Variants in KIAA1328 observed in about 807,000 individuals in gnomAD.
The protein encoded by KIAA1328 is protein hinderin.
In KIAA1328, 52 loss-of-function variants were observed where a neutral mutation model predicts 68.1. The observed-to-expected ratio is 0.76, with a 90% confidence interval of 0.61 to 0.96. The LOEUF is 0.96. Ranked by LOEUF, KIAA1328 falls within the 40% of genes least tolerant of loss-of-function variation. The pLI is 0.00. For missense variants in KIAA1328, 641 were observed against 677.6 expected, an observed-to-expected ratio of 0.95 and a Z score of 0.60; for synonymous variants, 232 against 239.4, an observed-to-expected ratio of 0.97 and a Z score of 0.28.
chr18:36,965,873 A>G (rs1157654657), intron 6 of KIAA1328, among the ~76,000 whole-genome samples: 1 of 151,620 alleles, frequency 6.6e-6, no homozygotes, highest in Non-Finnish European at 1.5e-5. Flanking sequence ...ATAAGCCTAG[A>G]TTTTATTGAC....
chr18:36,837,197 A>G (rs1325896049), intron 3 of KIAA1328, among the ~76,000 whole-genome samples: 4 of 152,182 alleles, frequency 2.6e-5, no homozygotes, highest in Non-Finnish European at 4.4e-5. Context: ...TGGTTACACC[A>G]TGTTACATTC....
At chr18:37,041,831 T>C (rs2055263937) in intron 6 of KIAA1328, among the ~76,000 whole-genome samples, 2 of 152,180 alleles carry the variant, frequency 1.3e-5, no homozygotes, top group South Asian at 4.1e-4. Context: ...TTTGTTTCAA[T>C]GTAACATTTA....
chr18:37,200,913 A>G (rs1220295507), intron 9 of KIAA1328, among the ~76,000 whole-genome samples: 2 of 150,756 alleles, frequency 1.3e-5, no homozygotes, highest in African/African-American at 4.9e-5. Context: ...CCCCCTTTTG[A>G]TCAAAAATCT....
At chr18:37,006,488 AT>A (rs528980385) in intron 6 of KIAA1328, among the ~76,000 whole-genome samples, 15 of 151,764 alleles carry the variant, frequency 9.9e-5, no homozygotes, top group African/African-American at 1.7e-4. Context: ...ACATTCTTCT[AT>A]TTTTTTTATT....
At position 36,968,848 on chromosome 18, in the gene KIAA1328, G is replaced by A. The variant is rs183684382; in HGVS notation, c.576+9413G>A. ...AATATATATTCTTCTCATCTGCACT[G>A]AGTACAACATAATCTAAAATTGGTC... On this transcript the variant is annotated intron_variant, in intron 6 of 9. Transcript: ENST00000280020. Among the ~76,000 whole-genome samples, 170 of 152,188 alleles carry A rather than the reference G, an allele frequency of 1.1e-3. 3 individuals carry two copies. Among genetic ancestry groups the A allele is most frequent in the African/African-American group, 4.0e-3 (165 of 41,536 alleles).
Position 36,978,282 on chromosome 18 carries a change from G to A in KIAA1328, c.576+18847G>A, listed in dbSNP as rs138508603. ...CTCAGAACCTAAAGTTTCTGTTGGG[G>A]GCTGGTCACATAGGCACCCTCTACT... On this transcript the variant is annotated intron_variant, in intron 6 of 9. Coordinates refer to ENST00000280020, the MANE Select transcript of KIAA1328 (RefSeq NM_020776.3). Among the ~76,000 whole-genome samples the A allele has an allele frequency of 4.4e-3, 662 of 152,180 alleles. 7 individuals carry two copies. The highest frequency in any genetic ancestry group is 0.021 in the Admixed American group (322 of 15,286).
At chr18:36,968,074 A>C (rs1368971631) in intron 6 of KIAA1328, among the ~76,000 whole-genome samples, 1 of 152,094 alleles carries the variant, frequency 6.6e-6, no homozygotes, top group African/African-American at 2.4e-5. Flanking sequence ...CTACCACCAG[A>C]CCTGGTACCT....
At chr18:37,122,408 G>T (rs1440647911) in intron 7 of KIAA1328, among the ~76,000 whole-genome samples, 1 of 152,074 alleles carries the variant, frequency 6.6e-6, no homozygotes, top group East Asian at 1.9e-4. Flanking sequence ...AGTTGTAGCT[G>T]CATGCAGACT....
At chr18:37,200,576 C>G (rs907856410) in intron 9 of KIAA1328, among the ~76,000 whole-genome samples, 1 of 151,948 alleles carries the variant, frequency 6.6e-6, no homozygotes, top group Admixed American at 6.6e-5. Flanking sequence ...CTTTGGGAGG[C>G]CGAGGCGGGT....
At chr18:36,847,385 A>C (rs1050350027) in intron 4 of KIAA1328, among the ~76,000 whole-genome samples, 1 of 151,520 alleles carries the variant, frequency 6.6e-6, no homozygotes, top group Admixed American at 6.6e-5. Context: ...TGTGAGTTCC[A>C]TTATTCTGTA....
chr18:37,177,757 G>T (rs1165923662), intron 9 of KIAA1328, among the ~76,000 whole-genome samples: 1 of 152,014 alleles, frequency 6.6e-6, no homozygotes, highest in East Asian at 1.9e-4. Context: ...TTCTTGACAG[G>T]ATTTGGGAAA....
intron 5 of KIAA1328, among the ~76,000 whole-genome samples, chr18:36,887,585 C>T (rs2048543171): frequency 6.6e-6 from 1 of 152,098 alleles, no homozygotes; most frequent in Non-Finnish European, 1.5e-5. Context: ...TTTATGAGAG[C>T]ACTCCCTACT....
intron 9 of KIAA1328, among the ~76,000 whole-genome samples, chr18:37,175,377 C>T (rs900170819): frequency 1.3e-5 from 2 of 152,172 alleles, no homozygotes; most frequent in African/African-American, 4.8e-5. Context: ...TAGAGTTTTA[C>T]AAGCCCAGGT....
At chr18:36,930,969 G>A (rs2050287919) in intron 5 of KIAA1328, among the ~76,000 whole-genome samples, 5 of 152,018 alleles carry the variant, frequency 3.3e-5, no homozygotes, top group Middle Eastern at 3.4e-3. Flanking sequence ...TTCTTTCTGA[G>A]CTTAGGGCTC....
intron 6 of KIAA1328, among the ~76,000 whole-genome samples, chr18:37,040,689 G>A (rs2055211269): frequency 6.6e-6 from 1 of 151,210 alleles, no homozygotes; most frequent in Non-Finnish European, 1.5e-5. Context: ...TGATATAGAT[G>A]TTTAAAGCTA....
chr18:36,906,620 G>GTAGA (rs1322700058), intron 5 of KIAA1328, among the ~76,000 whole-genome samples: 2 of 152,010 alleles, frequency 1.3e-5, no homozygotes, highest in Admixed American at 1.3e-4. Context: ...TGGTACATTA[G>GTAGA]TAGATATATA....
At chr18:37,046,818 G>T (rs537095859) in intron 6 of KIAA1328, among the ~76,000 whole-genome samples, 2 of 152,246 alleles carry the variant, frequency 1.3e-5, no homozygotes, top group Admixed American at 6.5e-5. Flanking sequence ...AAGGTTGTTG[G>T]TGCCTGATTT....
At chr18:37,066,664 T>G (rs1378334892) in intron 6 of KIAA1328, among the ~76,000 whole-genome samples, 1 of 152,234 alleles carries the variant, frequency 6.6e-6, no homozygotes, top group Non-Finnish European at 1.5e-5. Context: ...AGCAGCAACT[T>G]ATTTTTCTTA....
chr18:36,992,748 A>T (rs1326774042), intron 6 of KIAA1328, among the ~76,000 whole-genome samples: 2 of 152,168 alleles, frequency 1.3e-5, no homozygotes, highest in African/African-American at 2.4e-5. Context: ...CAGAGGATGA[A>T]TGTTCCTGGC....
Sources: allele counts gnomAD v4.1 joint callset (sites outside exome capture counted in the v4.1 genomes callset), GRCh38; gene constraint gnomAD v4.1.1; transcripts MANE v1.5; gene names NCBI Gene and HGNC (gene_info 2026-07-23, HGNC 2026-07-21).